The following PALS1 variants were observed in gnomAD, a reference collection of about 807,000 sequenced individuals.
PALS1 encodes the protein protein PALS1.
In PALS1, 31 loss-of-function variants were observed where a neutral mutation model predicts 78.9. The observed-to-expected ratio is 0.39, with a 90% CI of 0.30 to 0.53. The LOEUF is 0.53. Ranked by LOEUF, PALS1 falls within the 20% of genes least tolerant of loss-of-function variation. The pLI is 0.67. For missense variants in PALS1, 704 were observed against 826.5 expected (o/e 0.85, Z 1.82); for synonymous variants, 276 against 270.9 (o/e 1.02, Z -0.18).
At chr14:67,274,299 A>G (rs1595576203) in intron 2 of PALS1, among the ~76,000 whole-genome samples, 2 of 152,302 alleles carry the variant, frequency 1.3e-5, no homozygotes, top group East Asian at 1.9e-4. Flanking sequence ...TAATTTTTGT[A>G]TAAGGTGTAA....
At chr14:67,309,790 C>G (rs2085060127) in intron 8 of PALS1, among the ~76,000 whole-genome samples, 2 of 152,224 alleles carry the variant, frequency 1.3e-5, no homozygotes, top group Middle Eastern at 3.4e-3. Context: ...CATGAGAATT[C>G]ATCATTTTAA....
chr14:67,294,739 CT>C (rs2140841656), intron 4 of PALS1: 1 of 152,020 alleles, frequency 6.6e-6, no homozygotes, highest in East Asian at 1.9e-4. Flanking sequence ...GTGGCACGAT[CT>C]CAGCTCACTG....
At chr14:67,327,566 T>C (rs1175949246) in intron 14 of PALS1, among the ~76,000 whole-genome samples, 2 of 152,124 alleles carry the variant, frequency 1.3e-5, no homozygotes, top group Non-Finnish European at 2.9e-5. Flanking sequence ...TGTATACATG[T>C]GCCATGTTGG....
chr14:67,322,069 G>C (rs2085270908), intron 13 of PALS1, among the ~76,000 whole-genome samples: 1 of 152,136 alleles, frequency 6.6e-6, no homozygotes, highest in African/African-American at 2.4e-5. Context: ...TTACTAACTA[G>C]TGCCTCTTAG....
At chr14:67,331,219 A>G (rs2085444726) in intron 14 of PALS1, among the ~76,000 whole-genome samples, 1 of 151,794 alleles carries the variant, frequency 6.6e-6, no homozygotes, top group Non-Finnish European at 1.5e-5. Flanking sequence ...TATTTTTTGT[A>G]TTTTTAATAG....
At chr14:67,327,578 G>A (rs1389887397) in intron 14 of PALS1, among the ~76,000 whole-genome samples, 2 of 151,924 alleles carry the variant, frequency 1.3e-5, no homozygotes, top group African/African-American at 4.8e-5. Context: ...CCATGTTGGT[G>A]TGCTGCACCC....
At chr14:67,281,461 T>C (rs964075805) in intron 3 of PALS1, among the ~76,000 whole-genome samples, 1 of 152,156 alleles carries the variant, frequency 6.6e-6, no homozygotes, top group Non-Finnish European at 1.5e-5. Context: ...GTAAAAATAC[T>C]TCATTCCTGA....
At chr14:67,294,525 T>A (rs1051607071) in intron 4 of PALS1, 1 of 152,156 alleles carries the variant, frequency 6.6e-6, no homozygotes, top group East Asian at 1.9e-4. Context: ...AGAAGTATTC[T>A]TTGTTTACAT....
At chr14:67,243,132 G>T (rs557337581) in intron 1 of PALS1, among the ~76,000 whole-genome samples, 1 of 151,958 alleles carries the variant, frequency 6.6e-6, no homozygotes, top group South Asian at 2.1e-4. Context: ...TCTGATTTCA[G>T]AGTGTCTAGA....
chr14:67,269,643 C>T (rs1259500618), intron 1 of PALS1, 58 bp from the exon 2 acceptor site: 2 of 152,564 alleles, frequency 1.3e-5, no homozygotes, highest in East Asian at 3.8e-4. Context: ...CTCCTTTACC[C>T]CCCAAAACAC....
At chr14:67,273,776 C>A (rs968135544) in intron 2 of PALS1, among the ~76,000 whole-genome samples, 1 of 152,180 alleles carries the variant, frequency 6.6e-6, no homozygotes, top group African/African-American at 2.4e-5. Context: ...ACATCCTCTC[C>A]GGCACCTGTT....
chr14:67,291,137 T>C (rs1375734843), intron 3 of PALS1, among the ~76,000 whole-genome samples: 1 of 151,848 alleles, frequency 6.6e-6, no homozygotes, highest in Non-Finnish European at 1.5e-5. Flanking sequence ...TAAATGGAAA[T>C]ATTGGAAAAC....
At chr14:67,274,483 C>A (rs2084465346) in intron 2 of PALS1, among the ~76,000 whole-genome samples, 1 of 152,162 alleles carries the variant, frequency 6.6e-6, no homozygotes, top group South Asian at 2.1e-4. Flanking sequence ...TGGTCTATAT[C>A]TCTGTTTTGG....
intron 6 of PALS1, 135 bp downstream of exon 6, chr14:67,302,253 T>C: frequency 8.8e-7 from 1 of 1,138,884 alleles, no homozygotes. Context: ...GGTCAACTTT[T>C]AAATCTAATT....
Position 67,335,725 on chromosome 14 carries a change from CTT to C in PALS1, c.*2772_*2773del, listed in dbSNP as rs1261805190. On this transcript the variant is annotated 3_prime_UTR_variant, in exon 15 of 15. Transcript: ENST00000261681. Reference sequence around the variant, plus strand: ...TCTGTTGTTAATCCCCCTTTGTACTCTTTTCCTGTATCTGCACTGTTATTTTG... The same window carrying C: ...TCTGTTGTTAATCCCCCTTTGTACTCTTCCTGTATCTGCACTGTTATTTTG... The C allele has an allele frequency of 6.6e-6, 1 of 150,792 alleles. No homozygotes were observed. Among genetic ancestry groups the C allele is most frequent in the East Asian group, 1.9e-4 (1 of 5,184 alleles). The allele number at this position is 150,792 out of a possible 1,614,324, so 9.3% of individuals were successfully genotyped here.
Position 67,301,359 on chromosome 14 carries a change from G to C in PALS1, c.577-30G>C, listed in dbSNP as rs368966358. 80 of 1,528,444 alleles carry C rather than the reference G, an allele frequency of 5.2e-5. No individual in the cohort carries two copies. The African/African-American group carries it at 1.0e-3, about 20-fold the overall frequency. The allele number at this position is 1,528,444 out of a possible 1,614,324, so 94.7% of individuals were successfully genotyped here. A position where few individuals can be genotyped will look rare whatever the true frequency, so the allele number is the denominator to read the frequency against. On this transcript the variant is annotated intron_variant, in intron 4 of 14. Transcript: ENST00000261681. ...TGCTACTGATACTTCCTATAATCTA[G>C]GAAGAATAATCTTTATTTTTGTTTC...
chr14:67,271,014 G>A (rs991883913), intron 2 of PALS1: 1 of 152,198 alleles, frequency 6.6e-6, no homozygotes, highest in Non-Finnish European at 1.5e-5. Context: ...CAGGTGCGTA[G>A]TAAAAGATAT....
chr14:67,284,547 T>TTAA (rs2084651472), intron 3 of PALS1, among the ~76,000 whole-genome samples: 1 of 23,296 alleles, frequency 4.3e-5, no homozygotes, highest in Admixed American at 5.1e-4. Flanking sequence ...GCTGCAGTGC[T>TTAA]AAAAAAAAAA....
At chr14:67,313,996 T>G (rs534028100) in intron 9 of PALS1, among the ~76,000 whole-genome samples, 103 of 152,228 alleles carry the variant, frequency 6.8e-4, no homozygotes, top group African/African-American at 2.4e-3. Context: ...AAAATAGTTC[T>G]GCCAGAACTG....
Sources: allele counts gnomAD v4.1 joint callset (sites outside exome capture counted in the v4.1 genomes callset), GRCh38; gene constraint gnomAD v4.1.1; transcripts MANE v1.5; gene names NCBI Gene and HGNC (gene_info 2026-07-23, HGNC 2026-07-21).